RALYL: variants seen among roughly 807,000 people sequenced by gnomAD.
RALYL encodes the protein RNA-binding Raly-like protein.
A neutral mutation model predicts 35.1 loss-of-function variants in RALYL; 29 were observed. The ratio of observed to expected loss-of-function variants is 0.83; its 90% CI spans 0.61 to 1.13. The LOEUF is 1.13. Ranked by LOEUF, RALYL falls within the 50% of genes most tolerant of loss-of-function variation. The probability of loss-of-function intolerance (pLI) is 0.00; values close to 1 mark genes in which losing one functional copy is unlikely to be tolerated. For synonymous variants in RALYL, 120 were observed against 127.6 expected (o/e 0.94, Z 0.40); for missense variants, 359 against 360.4 (o/e 1.00, Z 0.03).
At chr8:84,350,993 G>A (rs1850780424) in intron 1 of RALYL, among the ~76,000 whole-genome samples, 1 of 150,020 alleles carries the variant, frequency 6.7e-6, no homozygotes, top group South Asian at 2.1e-4. Flanking sequence ...TGAGCGGATT[G>A]TGGCATGACA....
Position 84,821,607 on chromosome 8 carries a change from A to T in RALYL, c.365+16805A>T, listed in dbSNP as rs138233422. Among the ~76,000 whole-genome samples, 582 of 152,334 alleles carry T rather than the reference A, an allele frequency of 3.8e-3. 3 individuals carry two copies. Among genetic ancestry groups the T allele is most frequent in the Non-Finnish European group, 6.2e-3 (419 of 68,018 alleles). On this transcript the variant is annotated intron_variant, in intron 4 of 8. Coordinates refer to ENST00000521268, the MANE Select transcript of RALYL (RefSeq NM_173848.7). ...CTCACTTCCCAATCACATTCTGTTC[A>T]TCCAGCCAGGAGTGACTGATCTTTA... is the stretch of plus-strand genomic sequence containing the variant.
intron 1 of RALYL, among the ~76,000 whole-genome samples, chr8:84,195,282 A>G (rs1470344634): frequency 1.3e-5 from 2 of 152,116 alleles, no homozygotes; most frequent in Non-Finnish European, 2.9e-5. Flanking sequence ...TCTACTAAAA[A>G]TACAAAAATT....
At chr8:84,594,180 C>T (rs999055801) in intron 2 of RALYL, among the ~76,000 whole-genome samples, 1 of 152,020 alleles carries the variant, frequency 6.6e-6, no homozygotes, top group Non-Finnish European at 1.5e-5. Flanking sequence ...GTCCATCAAC[C>T]CCAATGCCTA....
At chr8:84,274,382 T>C (rs1447507544) in intron 1 of RALYL, among the ~76,000 whole-genome samples, 1 of 152,134 alleles carries the variant, frequency 6.6e-6, no homozygotes, top group African/African-American at 2.4e-5. Context: ...TTCGCTCTGG[T>C]TAACTTCAGG....
At chr8:84,868,241 C>T (rs555375635) in intron 6 of RALYL, among the ~76,000 whole-genome samples, 2 of 152,140 alleles carry the variant, frequency 1.3e-5, no homozygotes, top group African/African-American at 4.8e-5. Context: ...GAGTATCACT[C>T]TGTCACCCAG....
intron 1 of RALYL, among the ~76,000 whole-genome samples, chr8:84,271,086 A>G (rs779774936): frequency 6.6e-6 from 1 of 152,118 alleles, no homozygotes; most frequent in Non-Finnish European, 1.5e-5. Flanking sequence ...TTTGCTCTTT[A>G]CAAGATACCA....
At chr8:84,253,413 G>A (rs1472379227) in intron 1 of RALYL, among the ~76,000 whole-genome samples, 1 of 150,140 alleles carries the variant, frequency 6.7e-6, no homozygotes, top group Non-Finnish European at 1.5e-5. Flanking sequence ...TGTTGGCCAG[G>A]ATGGTCTACA....
chr8:84,574,849 C>T (rs1808932434), intron 2 of RALYL, among the ~76,000 whole-genome samples: 1 of 152,068 alleles, frequency 6.6e-6, no homozygotes, highest in South Asian at 2.1e-4. Context: ...TTGGTTATAT[C>T]TCCATTCTTA....
intron 4 of RALYL, among the ~76,000 whole-genome samples, chr8:84,843,347 T>C (rs1377491507): frequency 1.3e-5 from 2 of 152,112 alleles, no homozygotes; most frequent in Non-Finnish European, 2.9e-5. Flanking sequence ...GGCCAAATCA[T>C]GAGTGACCGC....
chr8:84,752,265 A>T (rs1810253499), intron 2 of RALYL, among the ~76,000 whole-genome samples: 1 of 152,224 alleles, frequency 6.6e-6, no homozygotes, highest in Non-Finnish European at 1.5e-5. Flanking sequence ...GACTTAGGTT[A>T]TCTGGCAGAA....
At chr8:84,586,918 T>C (rs1023342765) in intron 2 of RALYL, among the ~76,000 whole-genome samples, 2 of 152,174 alleles carry the variant, frequency 1.3e-5, no homozygotes, top group African/African-American at 4.8e-5. Context: ...ACTCATTTGG[T>C]TCATTTTTTC....
intron 1 of RALYL, among the ~76,000 whole-genome samples, chr8:84,441,276 T>C (rs2048302996): frequency 3.3e-5 from 5 of 152,084 alleles, no homozygotes; most frequent in Admixed American, 3.3e-4. Context: ...GTGAGATCTC[T>C]ACAGATTCAA....
intron 1 of RALYL, among the ~76,000 whole-genome samples, chr8:84,306,359 G>T (rs1375954400): frequency 6.6e-6 from 1 of 152,030 alleles, no homozygotes; most frequent in African/African-American, 2.4e-5. Flanking sequence ...ATTTTGGGTG[G>T]GTCTGCTAAC....
At chr8:84,214,026 T>G (rs73295632) in intron 1 of RALYL, among the ~76,000 whole-genome samples, 3,917 of 152,270 alleles carry the variant, frequency 0.026, 173 homozygotes, top group African/African-American at 0.087. Flanking sequence ...TAGCACATTA[T>G]TTGGTTTTAT....
chr8:84,311,091 A>AAAAAAAAT (rs1842733397), intron 1 of RALYL, among the ~76,000 whole-genome samples: 2 of 117,062 alleles, frequency 1.7e-5, no homozygotes, highest in Non-Finnish European at 1.9e-5. Flanking sequence ...AAAAAAAAAA[A>AAAAAAAAT]TGTATATTAA....
chr8:84,337,912 C>T (rs1302657041), intron 1 of RALYL, among the ~76,000 whole-genome samples: 1 of 152,076 alleles, frequency 6.6e-6, no homozygotes, highest in Non-Finnish European at 1.5e-5. Flanking sequence ...CTACCATTCA[C>T]TGGGAGCTTA....
intron 2 of RALYL, among the ~76,000 whole-genome samples, chr8:84,545,224 T>C (rs2060276745): frequency 6.6e-6 from 1 of 152,178 alleles, no homozygotes; most frequent in African/African-American, 2.4e-5. Context: ...GCCTGTGTGG[T>C]ATTTAAAATT....
At chr8:84,847,163 G>A (rs974316576) in intron 4 of RALYL, among the ~76,000 whole-genome samples, 1 of 152,180 alleles carries the variant, frequency 6.6e-6, no homozygotes, top group Non-Finnish European at 1.5e-5. Context: ...CTTGGGCTCT[G>A]CCCAGACAGG....
intron 3 of RALYL, among the ~76,000 whole-genome samples, chr8:84,777,466 CAAGT>C (rs1402214831): frequency 6.6e-6 from 1 of 152,104 alleles, no homozygotes; most frequent in African/African-American, 2.4e-5. Context: ...TTTTAAGCTT[CAAGT>C]AAGTAAGTTC....
Sources: gnomAD v4.1 joint callset for allele counts (sites outside exome capture counted in the v4.1 genomes callset) on GRCh38, gnomAD v4.1.1 for gene constraint, MANE v1.5 for transcripts, NCBI Gene and HGNC (gene_info 2026-07-23, HGNC 2026-07-21) for gene names.